The following ARHGEF38 variants were observed in gnomAD, a reference collection of about 807,000 sequenced individuals.
The protein encoded by ARHGEF38 is Rho guanine nucleotide exchange factor 38, also known as Rho guanine nucleotide exchange factor (GEF) 38.
Under a neutral mutation model 79.9 loss-of-function variants are expected in ARHGEF38, and 79 were observed. The observed-to-expected ratio is 0.99, with a 90% CI of 0.82 to 1.19. ARHGEF38 has a LOEUF of 1.19. Among genes scored for constraint, ARHGEF38 ranks in the 50% most tolerant of loss-of-function variants. The probability of loss-of-function intolerance (pLI) is 0.00; values close to 1 mark genes in which losing one functional copy is unlikely to be tolerated. For missense variants in ARHGEF38, 962 were observed against 907.2 expected (o/e 1.06, Z -0.78); for synonymous variants, 366 against 328.3 (o/e 1.11, Z -1.24).
intron 1 of ARHGEF38, among the ~76,000 whole-genome samples, chr4:105,575,824 T>G (rs1344427206): frequency 6.6e-6 from 1 of 152,200 alleles, no homozygotes; most frequent in Non-Finnish European, 1.5e-5. Context: ...TTTATTTTTG[T>G]ATAAGGTGAG....
chr4:105,666,136 C>G, intron 10 of ARHGEF38, 41 bp from the exon 11 acceptor site: 1 of 1,471,064 alleles, frequency 6.8e-7, no homozygotes, highest in Non-Finnish European at 9.0e-7. Flanking sequence ...ATATGATTAT[C>G]TAGGTGTCTG....
intron 9 of ARHGEF38, among the ~76,000 whole-genome samples, chr4:105,656,168 C>T (rs988699238): frequency 2.6e-5 from 4 of 152,104 alleles, no homozygotes; most frequent in African/African-American, 9.7e-5. Flanking sequence ...AATCCTCGCT[C>T]CTCAGCCTCT....
chr4:105,647,888 ATTTTTTTTTTTT>A (rs769532644), intron 6 of ARHGEF38, among the ~76,000 whole-genome samples: 1 of 119,580 alleles, frequency 8.4e-6, no homozygotes, highest in Non-Finnish European at 1.8e-5. Flanking sequence ...TTTCTTTTCT[ATTTTTTTTTTTT>A]TTTTTTTGAG....
chr4:105,661,175 G>A (rs757450088), intron 10 of ARHGEF38, among the ~76,000 whole-genome samples: 1 of 151,996 alleles, frequency 6.6e-6, no homozygotes, highest in African/African-American at 2.4e-5. Context: ...TCATTTTATC[G>A]CCAAATAACA....
intron 4 of ARHGEF38, among the ~76,000 whole-genome samples, chr4:105,635,752 T>C (rs1729371103): frequency 6.6e-6 from 1 of 151,778 alleles, no homozygotes; most frequent in Admixed American, 6.6e-5. Context: ...AATAGGAGAG[T>C]TCTTTAAACA....
At chr4:105,637,558 A>T (rs1263582132) in intron 5 of ARHGEF38, among the ~76,000 whole-genome samples, 1 of 152,098 alleles carries the variant, frequency 6.6e-6, no homozygotes, top group Non-Finnish European at 1.5e-5. Context: ...AAGATAGTTG[A>T]TGGGGGCTGG....
chr4:105,595,468 G>GA (rs1322490988), intron 2 of ARHGEF38, among the ~76,000 whole-genome samples: 3 of 151,884 alleles, frequency 2.0e-5, no homozygotes, highest in Non-Finnish European at 2.9e-5. Flanking sequence ...ATTTTCACTA[G>GA]AAAAAATATA....
chr4:105,561,509 A>AGAATAGAATGGAATGGAATG (rs1725614359), intron 1 of ARHGEF38: 1 of 123,336 alleles, frequency 8.1e-6, no homozygotes, highest in South Asian at 2.6e-4. Flanking sequence ...AGAATAGAAT[A>AGAATAGAATGGAATGGAATG]GAATAGAATA....
In ARHGEF38 at chr4:105,557,397, C is replaced by T. The variant is rs189603524; in HGVS notation, c.196+4436C>T. The stretch of plus-strand genomic sequence containing the variant: ...CAAAAGTTTACTAACATTCAGGAGT[C>T]TTTTCTGAAAACCATATATGAATTA... On this transcript the variant is annotated intron_variant, in intron 1 of 13. Coordinates refer to ENST00000420470, the MANE Select transcript of ARHGEF38 (RefSeq NM_001242729.2). 4.4e-3 allele frequency among the ~76,000 whole-genome samples: 666 copies of T among 152,066 alleles called. 3 individuals carry two copies. Among genetic ancestry groups the T allele is most frequent in the Non-Finnish European group, 8.3e-3 (566 of 67,976 alleles).
chr4:105,565,844 T>C (rs1171659353), intron 1 of ARHGEF38, among the ~76,000 whole-genome samples: 1 of 152,210 alleles, frequency 6.6e-6, no homozygotes, highest in East Asian at 1.9e-4. Context: ...GAGTCAGCTT[T>C]GACTTCTCCT....
chr4:105,574,549 C>CAAA (rs749100591), intron 1 of ARHGEF38, among the ~76,000 whole-genome samples: 1 of 27,836 alleles, frequency 3.6e-5, no homozygotes, highest in Non-Finnish European at 9.2e-5. Context: ...GACTCCATCT[C>CAAA]AAAAAAAAAA....
At chr4:105,648,724 A>G in intron 7 of ARHGEF38, 42 bp downstream of exon 7, 3 of 1,469,936 alleles carry the variant, frequency 2.0e-6, no homozygotes, top group Non-Finnish European at 2.7e-6. Flanking sequence ...CCCAGGGAAC[A>G]TGAATGCAGA....
At chr4:105,597,372 T>C (rs1727628331) in intron 2 of ARHGEF38, among the ~76,000 whole-genome samples, 6 of 152,210 alleles carry the variant, frequency 3.9e-5, no homozygotes, top group Admixed American at 3.9e-4. Flanking sequence ...AATTGTTTTC[T>C]CCAGCTGTCA....
At chr4:105,667,727 G>A (rs1730806111) in intron 13 of ARHGEF38, 24 bp downstream of exon 13, 2 of 1,535,456 alleles carry the variant, frequency 1.3e-6, no homozygotes, top group Non-Finnish European at 8.7e-7. Context: ...GTAAAAATAT[G>A]TGGTTGTTCA....
At chr4:105,554,870 T>C (rs1725180133) in intron 1 of ARHGEF38, among the ~76,000 whole-genome samples, 1 of 152,170 alleles carries the variant, frequency 6.6e-6, no homozygotes, top group Non-Finnish European at 1.5e-5. Flanking sequence ...CTTTTTCAAT[T>C]CTTTTTTGTC....
At chr4:105,561,041 T>C (rs892549113) in intron 1 of ARHGEF38, among the ~76,000 whole-genome samples, 2 of 152,176 alleles carry the variant, frequency 1.3e-5, no homozygotes, top group African/African-American at 2.4e-5. Context: ...TAGGGTCAAA[T>C]TTGTTTTTGT....
intron 3 of ARHGEF38, among the ~76,000 whole-genome samples, chr4:105,613,793 T>A (rs1728404267): frequency 6.6e-6 from 1 of 152,190 alleles, no homozygotes; most frequent in African/African-American, 2.4e-5. Context: ...TTTTTTTTAA[T>A]GGCTAACACT....
At chr4:105,588,385 A>G (rs1246191766) in intron 1 of ARHGEF38, among the ~76,000 whole-genome samples, 1 of 152,222 alleles carries the variant, frequency 6.6e-6, no homozygotes, top group African/African-American at 2.4e-5. Context: ...CCATTTACAC[A>G]CACTCTTACA....
chr4:105,615,931 T>A (rs564632416), intron 3 of ARHGEF38, among the ~76,000 whole-genome samples: 1 of 152,266 alleles, frequency 6.6e-6, no homozygotes, highest in African/African-American at 2.4e-5. Flanking sequence ...GTTGTGGATG[T>A]GTTGGATGCT....
Sources: gnomAD v4.1 joint callset for allele counts (sites outside exome capture counted in the v4.1 genomes callset) on GRCh38, gnomAD v4.1.1 for gene constraint, MANE v1.5 for transcripts, NCBI Gene and HGNC (gene_info 2026-07-23, HGNC 2026-07-21) for gene names.